The following IL3RA variants were observed in gnomAD, a reference collection of about 807,000 sequenced individuals.
IL3RA encodes interleukin-3 receptor subunit alpha.
In IL3RA, 73 loss-of-function variants were observed where a neutral mutation model predicts 52.3. The ratio of observed to expected loss-of-function variants is 1.40; its 90% confidence interval spans 1.16 to 1.70. The LOEUF (loss-of-function observed/expected upper bound fraction) is 1.70. Ranked by LOEUF, IL3RA falls within the 40% of genes most tolerant of loss-of-function variation. The pLI is 0.00. For missense variants in IL3RA, 664 were observed against 504.4 expected, an observed-to-expected ratio of 1.32 and a Z score of -3.03; for synonymous variants, 260 against 194.0, an observed-to-expected ratio of 1.34 and a Z score of -2.83.
At chrX:1,346,992 A>AT (rs1484343084) in intron 3 of IL3RA, among the ~76,000 whole-genome samples, 1 of 151,354 alleles carries the variant, frequency 6.6e-6, no homozygotes, top group Admixed American at 6.6e-5. Context: ...TCCCAGAGCG[A>AT]TTTTACCATA....
intron 6 of IL3RA, among the ~76,000 whole-genome samples, chrX:1,353,646 T>TGGGACCCCCCCC (rs2086324608): frequency 2.5e-5 from 1 of 39,452 alleles, no homozygotes; most frequent in African/African-American, 1.1e-4. Flanking sequence ...CATCATGGGT[T>TGGGACCCCCCCC]CCATCACGGG....
chrX:1,351,940 T>G (rs1256876672), intron 4 of IL3RA, among the ~76,000 whole-genome samples, 160 bp from the exon 5 acceptor site: 1 of 151,998 alleles, frequency 6.6e-6, no homozygotes, highest in African/African-American at 2.4e-5. Context: ...AATTTTTGCA[T>G]TTTTAGTAGA....
At chrX:1,337,588 C>G (rs1165921359) in intron 1 of IL3RA, among the ~76,000 whole-genome samples, 7 of 150,754 alleles carry the variant, frequency 4.6e-5, no homozygotes, top group African/African-American at 1.7e-4. Flanking sequence ...AAGGAACAAG[C>G]AGCTTTATTC....
At chrX:1,345,687 T>G (rs1405404161) in intron 3 of IL3RA, among the ~76,000 whole-genome samples, 4 of 151,652 alleles carry the variant, frequency 2.6e-5, no homozygotes, top group African/African-American at 9.7e-5. Flanking sequence ...AGATGGGGTT[T>G]CACTGTGTTA....
rs1176597805 is a variant in IL3RA at position 1,348,175 on chromosome X, T to C, written c.184-256T>C. 7.4e-5 allele frequency among the ~76,000 whole-genome samples: 11 copies of C among 149,622 alleles called. No individual in the cohort carries two copies. In the East Asian group the frequency reaches 9.9e-4, roughly 13 times the overall value. On this transcript the variant is annotated intron_variant, in intron 3 of 11. Coordinates refer to ENST00000331035, the MANE Select transcript of IL3RA (RefSeq NM_002183.4). ...CAGCCTGACCAACATGGTGAAACCC[T>C]GTCTCTACCCAGAAAAATACTTTAA...
rs1461088406 is a variant in IL3RA at position 1,352,255 on chromosome X, G to T, written c.431+23G>T. ...CAAGTAGGTGTGCCCGTGGGCAGAGGCCGGGCTGTCCCTGGTGCGGGTGCC... is the reference window on the plus strand; with the variant it reads ...CAAGTAGGTGTGCCCGTGGGCAGAGTCCGGGCTGTCCCTGGTGCGGGTGCC... On this transcript the variant is annotated intron_variant, in intron 5 of 11. Transcript: ENST00000331035. 3.1e-6 allele frequency: 5 copies of T among 1,613,248 alleles called. No homozygotes were observed. The South Asian group carries it at 5.5e-5, about 18-fold the overall frequency.
Position 1,336,884 on chromosome X carries a change from C to T in IL3RA, c.-81C>T, listed in dbSNP as rs1402109358. ...CCCCAGATCTTCTCAACTGGAACCACGAAGGCTGTTTCTTCCACACAGTAC... is the reference window on the plus strand; with the variant it reads ...CCCCAGATCTTCTCAACTGGAACCATGAAGGCTGTTTCTTCCACACAGTAC... On this transcript the variant is annotated 5_prime_UTR_variant, in exon 1 of 12. In the 5' UTR this introduces an upstream ATG that the reference lacks. Transcript: ENST00000331035. 1.3e-5 allele frequency: 2 copies of T among 152,216 alleles called. No individual in the cohort carries two copies. Among genetic ancestry groups the T allele is most frequent in the African/African-American group, 2.4e-5 (1 of 41,456 alleles). The allele number at this position is 152,216 out of a possible 1,614,324, so 9.4% of individuals were successfully genotyped here.
chrX:1,340,115 CTTTTT>C (rs779128210), intron 1 of IL3RA, among the ~76,000 whole-genome samples: 3 of 127,200 alleles, frequency 2.4e-5, no homozygotes, highest in Non-Finnish European at 1.7e-5. Context: ...CTTTTCTTTT[CTTTTT>C]TTTTTTTTTT....
intron 1 of IL3RA, among the ~76,000 whole-genome samples, chrX:1,339,199 C>A (rs2085400443): frequency 6.6e-6 from 1 of 152,106 alleles, no homozygotes; most frequent in South Asian, 2.1e-4. Context: ...CTGACTCAGG[C>A]ATCTTCCTGG....
chrX:1,348,498 G>A lies in IL3RA; in HGVS notation c.251G>A (p.Arg84Gln), dbSNP rs138837148. Residue 84 changes from arginine to glutamine, a missense_variant, in exon 4 of 12, where the codon CGA becomes CAA. Physicochemically the swap from Arg to Gln is conservative, Grantham distance 43. Transcript: ENST00000331035. The part of the protein sequence containing the change: ...SLCEVTNYTV[R>Q]VANPPFSTWI... ...TGTGAAGTGACCAACTACACCGTCC[G>A]AGTGGCCAACCCACCATTCTCCACG... 1.6e-4 allele frequency: 255 copies of A among 1,613,852 alleles called. 1 individual carries two copies. The East Asian group carries it at 2.2e-3, about 14-fold the overall frequency.
At chrX:1,368,606 TA>T (rs2088368295) in intron 9 of IL3RA, among the ~76,000 whole-genome samples, 1 of 151,944 alleles carries the variant, frequency 6.6e-6, no homozygotes, top group African/African-American at 2.4e-5. Flanking sequence ...GCGATTAAGG[TA>T]AAATGAGGTC....
chrX:1,355,411 G>A (rs1482500170), intron 6 of IL3RA, among the ~76,000 whole-genome samples: 3 of 119,218 alleles, frequency 2.5e-5, no homozygotes, highest in South Asian at 2.9e-4. Flanking sequence ...GAGTAGGAGC[G>A]GAGGGGGAGG....
At chrX:1,360,451 C>G (rs180894137) in intron 8 of IL3RA, among the ~76,000 whole-genome samples, 101 of 150,914 alleles carry the variant, frequency 6.7e-4, no homozygotes, top group African/African-American at 2.3e-3. Flanking sequence ...TATCTCTCTC[C>G]TTGTCTATAT....
intron 9 of IL3RA, among the ~76,000 whole-genome samples, chrX:1,368,258 C>T (rs1380934540): frequency 6.6e-6 from 1 of 151,924 alleles, no homozygotes; most frequent in Non-Finnish European, 1.5e-5. Flanking sequence ...AGCGAGACTC[C>T]ATCTCAACAA....
At chrX:1,381,464 G>T (rs1380802563) in intron 11 of IL3RA, among the ~76,000 whole-genome samples, 1 of 152,118 alleles carries the variant, frequency 6.6e-6, no homozygotes, top group Non-Finnish European at 1.5e-5. Flanking sequence ...GATGAAGGGA[G>T]TGGGGGGACA....
intron 10 of IL3RA, 127 bp downstream of exon 10, chrX:1,378,891 G>A (rs1309789465): frequency 2.2e-6 from 2 of 889,848 alleles, no homozygotes; most frequent in Non-Finnish European, 3.5e-6. Context: ...CTCCCAGGCT[G>A]GAGTGCAGTG....
intron 2 of IL3RA, among the ~76,000 whole-genome samples, chrX:1,343,827 G>C (rs1249192758): frequency 7.5e-6 from 1 of 134,176 alleles, no homozygotes; most frequent in Non-Finnish European, 1.6e-5. Flanking sequence ...ATGGAGTCTC[G>C]CTCTGTTACC....
intron 1 of IL3RA, among the ~76,000 whole-genome samples, chrX:1,340,238 C>A (rs776911122): frequency 6.6e-6 from 1 of 151,868 alleles, no homozygotes; most frequent in Non-Finnish European, 1.5e-5. Flanking sequence ...GCCTCAGCCT[C>A]CCGAGTAGCT....
chrX:1,365,454 A>C (rs867161415), intron 9 of IL3RA, among the ~76,000 whole-genome samples: 10 of 23,964 alleles, frequency 4.2e-4, no homozygotes, highest in African/African-American at 1.0e-3. Flanking sequence ...GAGCGGGGTG[A>C]GCGGGGTGCG....
Sources: allele counts gnomAD v4.1 joint callset (sites outside exome capture counted in the v4.1 genomes callset), GRCh38; gene constraint gnomAD v4.1.1; transcripts MANE v1.5; gene names NCBI Gene and HGNC (gene_info 2026-07-23, HGNC 2026-07-21).